SENP6: variants seen among roughly 807,000 people sequenced by gnomAD.
SENP6 encodes sentrin-specific protease 6.
SENP6 carries 41 observed loss-of-function variants against 134.5 expected under a neutral mutation model. That is an observed-to-expected ratio of 0.30 (90% CI 0.24 to 0.40). The LOEUF is 0.40. Ranked by LOEUF, SENP6 falls within the 10% of genes least tolerant of loss-of-function variation. SENP6 has a pLI of 1.00. For synonymous variants in SENP6, 395 were observed against 429.8 expected (o/e 0.92, Z 1.00); for missense variants, 1,248 against 1,312.5 (o/e 0.95, Z 0.76).
chr6:75,712,589 A>C (rs551500209), intron 21 of SENP6, among the ~76,000 whole-genome samples: 7 of 152,000 alleles, frequency 4.6e-5, no homozygotes, highest in Non-Finnish European at 8.8e-5. Context: ...ACATTTGAGG[A>C]GTTTGGGCTC....
chr6:75,657,234 T>C (rs1379900599), intron 7 of SENP6, among the ~76,000 whole-genome samples: 1 of 152,220 alleles, frequency 6.6e-6, no homozygotes, highest in African/African-American at 2.4e-5. Flanking sequence ...TTTCAAATAA[T>C]TGGTTGTGTG....
chr6:75,640,071 A>G (rs1769907681), intron 5 of SENP6, among the ~76,000 whole-genome samples: 1 of 152,334 alleles, frequency 6.6e-6, no homozygotes, highest in African/African-American at 2.4e-5. Flanking sequence ...AATTATGTCC[A>G]GGTGAGGGAA....
At chr6:75,608,307 A>G (rs1767178477) in intron 1 of SENP6, among the ~76,000 whole-genome samples, 2 of 152,098 alleles carry the variant, frequency 1.3e-5, no homozygotes, top group African/African-American at 4.8e-5. Flanking sequence ...CAAAAAATAC[A>G]AAAATTAACC....
rs202079296 is a variant in SENP6 at position 75,663,254 on chromosome 6, T to G, written c.730T>G (p.Leu244Val). The change falls in exon 9 of 24, where the codon TTG becomes GTG. Residue 244 changes from leucine to valine, a missense_variant. By Grantham distance (32) the Leu-to-Val change is conservative. Around this residue, in one of 3 missense-constraint regions of SENP6, gnomAD observed 733 missense variants for 725.4 expected, o/e 1.01. Coordinates refer to ENST00000447266, the MANE Select transcript of SENP6 (RefSeq NM_015571.4). ...LQRNCRQAIT[L>V]NESTGPLLRT... ...AAGAAATTGCAGACAAGCTATTACTTTGAATGAGTCTACTGGACCATTATT... is the reference window on the plus strand; with the variant it reads ...AAGAAATTGCAGACAAGCTATTACTGTGAATGAGTCTACTGGACCATTATT... The G allele has an allele frequency of 6.2e-7, 1 of 1,613,276 alleles. No individual in the cohort carries two copies. Among genetic ancestry groups the G allele is most frequent in the Non-Finnish European group, 8.5e-7 (1 of 1,179,712 alleles).
At chr6:75,664,936 C>G (rs939262976) in intron 9 of SENP6, among the ~76,000 whole-genome samples, 1 of 152,166 alleles carries the variant, frequency 6.6e-6, no homozygotes, top group Admixed American at 6.5e-5. Context: ...CAAGGAACAA[C>G]AGAAAATTTA....
intron 3 of SENP6, among the ~76,000 whole-genome samples, chr6:75,628,949 T>A (rs1328994367): frequency 1.3e-5 from 2 of 152,180 alleles, no homozygotes; most frequent in African/African-American, 4.8e-5. Context: ...GTCTTGGAAC[T>A]CCTGACCTCA....
rs564443337 is a variant in SENP6 at position 75,711,266 on chromosome 6, G to A, written c.2821-62G>A. ...ATTTTTGTCTCCAGTGTGCTATTTT[G>A]TTAGGTTATTAGTTATTTAGATTAT... On this transcript the variant is annotated intron_variant, in intron 20 of 23. Coordinates refer to ENST00000447266, the MANE Select transcript of SENP6 (RefSeq NM_015571.4). The A allele has an allele frequency of 2.1e-4, 258 of 1,212,062 alleles. No individual in the cohort carries two copies. In the African/African-American group the frequency reaches 3.5e-3, roughly 17 times the overall value. 75.1% of individuals were successfully genotyped at this position (1,212,062 alleles called of 1,614,324 possible). A position where few individuals can be genotyped will look rare whatever the true frequency, so the allele number is the denominator to read the frequency against.
In SENP6 at chr6:75,675,884, T is replaced by A; in HGVS notation, c.1451T>A (p.Ile484Asn). The A allele has an allele frequency of 6.2e-7, 1 of 1,600,440 alleles. No individual in the cohort carries two copies. The highest frequency in any genetic ancestry group is 8.5e-7 in the Non-Finnish European group (1 of 1,175,918). Residue 484 changes from isoleucine to asparagine, a missense_variant, in exon 13 of 24, where the codon ATT becomes AAT. Ile to Asn is a moderately radical substitution (Grantham distance 149). Coordinates refer to ENST00000447266, the MANE Select transcript of SENP6 (RefSeq NM_015571.4). ...LDEPDHDPVE[I>N]ILNTSDLTKC... ...GAACCAGACCATGATCCTGTAGAGA[T>A]TATATTAAATACCTCTGATCTAACT...
intron 19 of SENP6, among the ~76,000 whole-genome samples, chr6:75,708,513 C>T (rs1411102721): frequency 2.0e-5 from 3 of 152,066 alleles, no homozygotes; most frequent in Non-Finnish European, 4.4e-5. Flanking sequence ...ATGGCTTGAG[C>T]GTAGGAGTTC....
intron 9 of SENP6, among the ~76,000 whole-genome samples, chr6:75,666,233 TATGATATA>T (rs1772229623): frequency 6.8e-6 from 1 of 146,426 alleles, no homozygotes; most frequent in Admixed American, 6.9e-5. Context: ...ATATATAAAA[TATGATATA>T]TAAAATATAT....
In SENP6 at chr6:75,605,950, T is replaced by C. The variant is rs577687001; in HGVS notation, c.52+3374T>C. ...AGACTGGGGAAGAGAAGTTGATAGGTTGAGGATATGTTTGGATGTAGAGCT... is the reference window on the plus strand; with the variant it reads ...AGACTGGGGAAGAGAAGTTGATAGGCTGAGGATATGTTTGGATGTAGAGCT... On this transcript the variant is annotated intron_variant, in intron 1 of 23. Transcript: ENST00000447266. Among the ~76,000 whole-genome samples, 94 of 152,152 alleles carry C rather than the reference T, an allele frequency of 6.2e-4. 3 individuals are homozygous for C. In the South Asian group the frequency reaches 0.018, roughly 29 times the overall value.
intron 1 of SENP6, among the ~76,000 whole-genome samples, chr6:75,610,594 C>T (rs562585242): frequency 2.5e-4 from 38 of 152,220 alleles, no homozygotes; most frequent in Non-Finnish European, 2.6e-4. Context: ...TCTTCTGCAT[C>T]CATTGGCAAA....
In SENP6 at chr6:75,670,587, G is replaced by A. The variant is rs750465916; in HGVS notation, c.1259G>A (p.Arg420His). 5.0e-6 allele frequency: 8 copies of A among 1,612,114 alleles called. No individual in the cohort carries two copies. The highest frequency in any genetic ancestry group is 4.0e-5 in the African/African-American group (3 of 74,806). Residue 420 changes from arginine to histidine, a missense_variant, in exon 11 of 24, where the codon CGT becomes CAT. This residue lies in a region of SENP6 where 733 missense variants were observed against 725.4 expected (regional missense o/e 1.01). Transcript: ENST00000447266. ...TCTATTATCAACACACCTCTGAAAC[G>A]TCGTAAAGTGTTTTCTCAAGAACCT... Reference protein sequence around the residue: ...GNSIINTPLKRRKVFSQEPPD... With the variant: ...GNSIINTPLKHRKVFSQEPPD...
At chr6:75,639,434 TA>T (rs940016460) in intron 5 of SENP6, among the ~76,000 whole-genome samples, 1 of 152,150 alleles carries the variant, frequency 6.6e-6, no homozygotes, top group African/African-American at 2.4e-5. Flanking sequence ...CAAGTTACTA[TA>T]TTTTTTTTCT....
At chr6:75,685,948 C>G (rs567910049) in intron 16 of SENP6, among the ~76,000 whole-genome samples, 23 of 152,056 alleles carry the variant, frequency 1.5e-4, no homozygotes, top group Middle Eastern at 3.4e-3. Context: ...CCTGGGTATC[C>G]TTCTTCACTT....
chr6:75,668,808 C>T (rs996619951), intron 10 of SENP6, among the ~76,000 whole-genome samples: 2 of 152,160 alleles, frequency 1.3e-5, no homozygotes, highest in Non-Finnish European at 2.9e-5. Flanking sequence ...ATGGAATTTT[C>T]AGATGAGCGG....
rs530308980 is a variant in SENP6 at position 75,685,338 on chromosome 6, G to GGA, written c.2075+6412_2075+6413dup. On this transcript the variant is annotated intron_variant, in intron 16 of 23. Coordinates refer to ENST00000447266, the MANE Select transcript of SENP6 (RefSeq NM_015571.4). ...TGATCTTTTCAAAAAACCAGCTCCT[G>GGA]GATTCATTGATTTTTTTTGAAGGGT... Among the ~76,000 whole-genome samples, 34 of 151,944 alleles carry GGA rather than the reference G, an allele frequency of 2.2e-4. 1 individual carries two copies. The South Asian group carries it at 6.2e-3, about 28-fold the overall frequency.
At chr6:75,621,163 G>A (rs1483659027) in intron 1 of SENP6, among the ~76,000 whole-genome samples, 2 of 152,134 alleles carry the variant, frequency 1.3e-5, no homozygotes, top group Non-Finnish European at 2.9e-5. Flanking sequence ...TCTGGATATA[G>A]TTCTCATGAA....
intron 16 of SENP6, among the ~76,000 whole-genome samples, chr6:75,690,584 A>G (rs1319400263): frequency 2.0e-5 from 3 of 152,238 alleles, no homozygotes; most frequent in African/African-American, 4.8e-5. Flanking sequence ...TTGCAAAACA[A>G]AGTTACTGGA....
Sources: gnomAD v4.1 joint callset for allele counts (sites outside exome capture counted in the v4.1 genomes callset) on GRCh38, gnomAD v4.1.1 for gene constraint, gnomAD v4.1.1 regional missense constraint, MANE v1.5 for transcripts, NCBI Gene and HGNC (gene_info 2026-07-23, HGNC 2026-07-21) for gene names.